The following RALGAPA2 variants were observed in gnomAD, a reference collection of about 807,000 sequenced individuals.
RALGAPA2 encodes the protein Ral GTPase activating protein catalytic subunit alpha 2.
A neutral mutation model predicts 230.4 loss-of-function variants in RALGAPA2; 139 were observed. The observed-to-expected ratio is 0.60, with a 90% CI of 0.53 to 0.69. RALGAPA2 has a LOEUF of 0.69. Among genes scored for constraint, RALGAPA2 ranks in the 30% least tolerant of loss-of-function variants. RALGAPA2 has a pLI of 0.00. For synonymous variants in RALGAPA2, 847 were observed against 837.8 expected (o/e 1.01, Z -0.19); for missense variants, 2,163 against 2,276.0 (o/e 0.95, Z 1.01).
chr20:20,628,834 G>C (rs144512045), intron 10 of RALGAPA2, among the ~76,000 whole-genome samples: 70 of 152,190 alleles, frequency 4.6e-4, no homozygotes, highest in African/African-American at 1.6e-3. Flanking sequence ...CTCTTTTCGT[G>C]TCTTGGCCTC....
rs1569418283 is a variant in RALGAPA2, at chr20:20,458,858, A to ATATATATATATAGACC, written c.5495+13970_5495+13971insGGTCTATATATATATA. Among the ~76,000 whole-genome samples, 13 of 138,254 alleles carry ATATATATATATAGACC rather than the reference A, an allele frequency of 9.4e-5. 1 individual carries two copies. The highest frequency in any genetic ancestry group is 2.2e-4 in the African/African-American group (8 of 36,890). 90.7% of individuals were successfully genotyped at this position (138,254 alleles called of 152,430 possible). A position where few individuals can be genotyped will look rare whatever the true frequency, so the allele number is the denominator to read the frequency against. Reference sequence around the variant, plus strand: ...TATAGACCTATATATATATAGACCTATATATATATATATATATACACACAC... The same window carrying ATATATATATATAGACC: ...TATAGACCTATATATATATAGACCTATATATATATATAGACCTATATATATATATATATACACACAC... On this transcript the variant is annotated intron_variant, in intron 37 of 39. Transcript: ENST00000202677.
At chr20:20,667,448 G>C (rs2067992120) in intron 3 of RALGAPA2, among the ~76,000 whole-genome samples, 1 of 152,156 alleles carries the variant, frequency 6.6e-6, no homozygotes, top group African/African-American at 2.4e-5. Context: ...ATCCAATCCA[G>C]CATAACACCA....
intron 3 of RALGAPA2, among the ~76,000 whole-genome samples, chr20:20,663,435 A>G (rs6046981): frequency 0.085 from 12,970 of 152,154 alleles, 815 homozygotes; most frequent in African/African-American, 0.17. Context: ...TAGAAGATTC[A>G]TTCTTACTGT....
At chr20:20,684,812 T>C (rs570894243) in intron 1 of RALGAPA2, among the ~76,000 whole-genome samples, 2 of 152,222 alleles carry the variant, frequency 1.3e-5, no homozygotes, top group African/African-American at 4.8e-5. Context: ...TTGTTCACTG[T>C]TGCATCCCCA....
intron 3 of RALGAPA2, among the ~76,000 whole-genome samples, chr20:20,664,001 A>G (rs2067871865): frequency 6.6e-6 from 1 of 152,238 alleles, no homozygotes; most frequent in African/African-American, 2.4e-5. Context: ...GTTAGCTAGC[A>G]TCTACAGCAT....
At chr20:20,510,648 G>A (rs1018527353) in intron 33 of RALGAPA2, among the ~76,000 whole-genome samples, 7 of 151,916 alleles carry the variant, frequency 4.6e-5, no homozygotes, top group African/African-American at 1.7e-4. Flanking sequence ...AGATGATTTC[G>A]GAAACACACA....
At chr20:20,422,901 TGAG>T (rs2060306799) in intron 37 of RALGAPA2, among the ~76,000 whole-genome samples, 1 of 152,118 alleles carries the variant, frequency 6.6e-6, no homozygotes, top group South Asian at 2.1e-4. Context: ...TTCATGGGAA[TGAG>T]GAGTGGGTCT....
intron 36 of RALGAPA2, among the ~76,000 whole-genome samples, chr20:20,494,710 G>T (rs6132306): frequency 0.018 from 2,676 of 152,306 alleles, 95 homozygotes; most frequent in East Asian, 0.14. Context: ...CCCGACACCA[G>T]GCAAGGCTGG....
intron 37 of RALGAPA2, among the ~76,000 whole-genome samples, chr20:20,462,699 G>T (rs2061331201): frequency 1.3e-5 from 2 of 152,178 alleles, no homozygotes; most frequent in Non-Finnish European, 2.9e-5. Flanking sequence ...ATTTACTTGA[G>T]TGTGTTGCAA....
rs114798306 is a variant in RALGAPA2 at position 20,487,225 on chromosome 20, C to G, written c.5367+7892G>C. Among the ~76,000 whole-genome samples the G allele has an allele frequency of 1.1e-4, 16 of 152,232 alleles. No individual in the cohort carries two copies. The East Asian group carries it at 2.9e-3, about 28-fold the overall frequency. ...TTTTATGTTTAACTGGCTAACAGGC[C>G]GTGCTTCTTGTTTTCTATAGCTGTA... On this transcript the variant is annotated intron_variant, in intron 36 of 39. Coordinates refer to ENST00000202677, the MANE Select transcript of RALGAPA2 (RefSeq NM_020343.4).
chr20:20,512,960 T>C lies in RALGAPA2; in HGVS notation c.4409A>G (p.Tyr1470Cys). The C allele has an allele frequency of 1.2e-6, 2 of 1,613,468 alleles. No individual in the cohort carries two copies. Among genetic ancestry groups the C allele is most frequent in the Non-Finnish European group, 1.7e-6 (2 of 1,179,580 alleles). Reference sequence around the variant, plus strand: ...ATATAAAACCTTACCATCCCAAGAGTACTTCCCTGAGATATCCCTCACAAT... The same window carrying C: ...ATATAAAACCTTACCATCCCAAGAGCACTTCCCTGAGATATCCCTCACAAT... ...RVIVRDISGK[Y>C]SWDGKVLYGP... Residue 1470 changes from tyrosine (Y) to cysteine (C), a missense_variant, in exon 32 of 40, where the codon TAC becomes TGC. By Grantham distance (194) the Tyr-to-Cys change is radical. Transcript: ENST00000202677.
chr20:20,610,893 T>C (rs771148558), intron 14 of RALGAPA2, among the ~76,000 whole-genome samples: 4 of 152,132 alleles, frequency 2.6e-5, no homozygotes, highest in Non-Finnish European at 5.9e-5. Flanking sequence ...TGGCCACCCT[T>C]TCTCAGCATC....
At chr20:20,498,511 C>G (rs778575540) in intron 35 of RALGAPA2, among the ~76,000 whole-genome samples, 1 of 152,212 alleles carries the variant, frequency 6.6e-6, no homozygotes, top group Non-Finnish European at 1.5e-5. Flanking sequence ...CCTTTCTCGA[C>G]TAATTGCATT....
At chr20:20,505,339 A>G in intron 34 of RALGAPA2, 72 bp downstream of exon 34, 3 of 1,371,144 alleles carry the variant, frequency 2.2e-6, no homozygotes, top group Non-Finnish European at 2.9e-6. Context: ...GTAAAAACTT[A>G]CACAATGTCT....
intron 5 of RALGAPA2, among the ~76,000 whole-genome samples, chr20:20,642,556 G>A (rs1295409961): frequency 6.6e-6 from 1 of 152,120 alleles, no homozygotes; most frequent in East Asian, 1.9e-4. Flanking sequence ...GAACAAGAGG[G>A]AAGTTTCTAT....
At chr20:20,524,351 G>A (rs530509559) in intron 30 of RALGAPA2, 55 bp downstream of exon 30, 7 of 1,601,204 alleles carry the variant, frequency 4.4e-6, no homozygotes, top group Admixed American at 1.7e-5. Flanking sequence ...TATTTTGGTG[G>A]TTCTCTGTCA....
At chr20:20,560,239 G>A (rs1477877743) in intron 23 of RALGAPA2, among the ~76,000 whole-genome samples, 4 of 152,296 alleles carry the variant, frequency 2.6e-5, no homozygotes, top group East Asian at 1.9e-4. Context: ...CATGCTGCAC[G>A]TGTTCAACTA....
intron 1 of RALGAPA2, among the ~76,000 whole-genome samples, chr20:20,706,424 C>A (rs2069607036): frequency 6.6e-6 from 1 of 152,146 alleles, no homozygotes; most frequent in Non-Finnish European, 1.5e-5. Flanking sequence ...ACTAAGACTG[C>A]CTGAAGAGTT....
chr20:20,633,383 T>C (rs1378057388), intron 9 of RALGAPA2, among the ~76,000 whole-genome samples: 1 of 152,142 alleles, frequency 6.6e-6, no homozygotes, highest in Non-Finnish European at 1.5e-5. Flanking sequence ...GATCTGCCTG[T>C]CTTGGCCTCC....
Sources: allele counts gnomAD v4.1 joint callset (sites outside exome capture counted in the v4.1 genomes callset), GRCh38; gene constraint gnomAD v4.1.1; transcripts MANE v1.5; gene names NCBI Gene and HGNC (gene_info 2026-07-23, HGNC 2026-07-21).